Variants in CPNE4 observed in about 807,000 individuals in gnomAD.
CPNE4 encodes copine-4.
In CPNE4, 25 loss-of-function variants were observed where a neutral mutation model predicts 67.9. That is an observed-to-expected ratio of 0.37 (90% CI 0.27 to 0.51). The LOEUF (loss-of-function observed/expected upper bound fraction) is 0.51. CPNE4 is among the 20% of genes least tolerant of loss of function. The pLI is 0.93. For missense variants in CPNE4, 464 were observed against 690.8 expected (o/e 0.67, Z 3.68); for synonymous variants, 242 against 244.9 (o/e 0.99, Z 0.11).
intron 2 of CPNE4, among the ~76,000 whole-genome samples, chr3:131,850,164 T>G (rs4854627): frequency 0.22 from 34,173 of 152,048 alleles, 4,078 homozygotes; most frequent in Admixed American, 0.34. Context: ...TTTTTGCCAA[T>G]ATCCAGAATT....
intron 6 of CPNE4, among the ~76,000 whole-genome samples, chr3:131,671,089 A>C (rs2080401268): frequency 6.6e-6 from 1 of 152,188 alleles, no homozygotes; most frequent in African/African-American, 2.4e-5. Flanking sequence ...CACCCGACCT[A>C]GAATTTGTTT....
At chr3:131,867,791 G>A (rs1513376) in intron 2 of CPNE4, among the ~76,000 whole-genome samples, 49,275 of 151,840 alleles carry the variant, frequency 0.32, 8,524 homozygotes, top group African/African-American at 0.43. Context: ...TCTTTTGACC[G>A]CATTTCCTCA....
In CPNE4 at chr3:131,654,022, G is replaced by C. The variant is rs547641896; in HGVS notation, c.681+15653C>G. Among the ~76,000 whole-genome samples, 3 of 152,190 alleles carry C rather than the reference G, an allele frequency of 2.0e-5. No homozygotes were observed. The East Asian group carries it at 5.8e-4, about 29-fold the overall frequency. On this transcript the variant is annotated intron_variant, in intron 7 of 15. Coordinates refer to ENST00000429747, the MANE Select transcript of CPNE4 (RefSeq NM_130808.3). The stretch of plus-strand genomic sequence containing the variant: ...TTGACTGCACATTATAATCACCTTG[G>C]CTGCTTTTTAAAATTTCTGATGTTT...
intron 1 of CPNE4, among the ~76,000 whole-genome samples, chr3:132,009,589 A>G (rs945184449): frequency 1.3e-5 from 2 of 152,188 alleles, no homozygotes; most frequent in African/African-American, 2.4e-5. Flanking sequence ...AAGGTTTTCA[A>G]TGACACACTC....
intron 3 of CPNE4, among the ~76,000 whole-genome samples, chr3:131,706,947 T>C (rs914044227): frequency 2.0e-5 from 3 of 152,184 alleles, no homozygotes; most frequent in African/African-American, 2.4e-5. Flanking sequence ...ATATCTTACA[T>C]GTATTGATTA....
intron 7 of CPNE4, among the ~76,000 whole-genome samples, chr3:131,621,686 A>G (rs1940473442): frequency 6.6e-6 from 1 of 152,102 alleles, no homozygotes; most frequent in Non-Finnish European, 1.5e-5. Context: ...GGAAATTACA[A>G]TAATGTTTCC....
chr3:131,874,205 C>T (rs1277883123), intron 2 of CPNE4, among the ~76,000 whole-genome samples: 3 of 151,980 alleles, frequency 2.0e-5, no homozygotes, highest in Non-Finnish European at 2.9e-5. Context: ...TCTCCTGCCT[C>T]AGCCCCCCGA....
At chr3:131,856,173 G>T (rs1413882367) in intron 2 of CPNE4, among the ~76,000 whole-genome samples, 1 of 151,920 alleles carries the variant, frequency 6.6e-6, no homozygotes, top group African/African-American at 2.4e-5. Context: ...GTCTATTCAA[G>T]TTACCAAACA....
chr3:132,023,479 C>CTTTT (rs575505348), intron 1 of CPNE4, among the ~76,000 whole-genome samples: 5 of 84,596 alleles, frequency 5.9e-5, no homozygotes, highest in Non-Finnish European at 8.5e-5. Flanking sequence ...GCAGATCAGC[C>CTTTT]TTTTTTTTTT....
At chr3:131,858,331 CTCTAT>C (rs2107660533) in intron 2 of CPNE4, among the ~76,000 whole-genome samples, 1 of 151,768 alleles carries the variant, frequency 6.6e-6, no homozygotes, top group Non-Finnish European at 1.5e-5. Context: ...GTATTTTGTT[CTCTAT>C]TCTAATGAAC....
chr3:131,560,025 TA>T (rs932694946), intron 11 of CPNE4, among the ~76,000 whole-genome samples: 45 of 152,198 alleles, frequency 3.0e-4, no homozygotes, highest in African/African-American at 1.1e-3. Flanking sequence ...AAAAACATTT[TA>T]AAGATCATTG....
At position 131,862,835 on chromosome 3, in the gene CPNE4, T is replaced by C. The variant is rs551586577; in HGVS notation, c.180+42429A>G. Among the ~76,000 whole-genome samples, 12 of 152,176 alleles carry C rather than the reference T, an allele frequency of 7.9e-5. No homozygotes were observed. The East Asian group carries it at 2.3e-3, about 29-fold the overall frequency. The stretch of plus-strand genomic sequence containing the variant: ...AACTCGTCATTTGACATTAGGTATA[T>C]CTCCTAATGCTATCCCTCCCCCATC... On this transcript the variant is annotated intron_variant, in intron 2 of 15. Coordinates refer to ENST00000429747, the MANE Select transcript of CPNE4 (RefSeq NM_130808.3).
intron 3 of CPNE4, 74 bp from the exon 4 acceptor site, chr3:131,700,054 C>CTTTTTTTTTTTTTTTTTTTT (rs3035263): frequency 8.6e-5 from 22 of 254,752 alleles, no homozygotes; most frequent in African/African-American, 6.3e-4. Flanking sequence ...TTTTTTAAAC[C>CTTTTTTTTTTTTTTTTTTTT]TTTTTTTTTT....
chr3:131,709,933 C>T (rs530483334), intron 3 of CPNE4, among the ~76,000 whole-genome samples: 18 of 152,290 alleles, frequency 1.2e-4, no homozygotes, highest in African/African-American at 4.3e-4. Flanking sequence ...CCTTTCCCGC[C>T]ACCCTCTATT....
intron 5 of CPNE4, among the ~76,000 whole-genome samples, chr3:131,686,558 A>T (rs2080894766): frequency 6.6e-6 from 1 of 152,194 alleles, no homozygotes; most frequent in Non-Finnish European, 1.5e-5. Flanking sequence ...GGATTAAGCT[A>T]TTTAGAGGAT....
At chr3:131,699,830 C>T in intron 4 of CPNE4, 79 bp downstream of exon 4, 2 of 1,091,074 alleles carry the variant, frequency 1.8e-6, no homozygotes, top group Non-Finnish European at 2.7e-6. Context: ...AGTCTGCTTC[C>T]CAAGTGTCTG....
chr3:131,711,338 G>A (rs561402186), intron 3 of CPNE4, among the ~76,000 whole-genome samples: 8 of 152,228 alleles, frequency 5.3e-5, no homozygotes, highest in South Asian at 4.2e-4. Flanking sequence ...TTTCTGATTC[G>A]GTCTTGCTGA....
intron 1 of CPNE4, among the ~76,000 whole-genome samples, chr3:131,924,124 A>T (rs1176835493): frequency 1.3e-5 from 2 of 152,212 alleles, no homozygotes; most frequent in Non-Finnish European, 2.9e-5. Flanking sequence ...AAGGACAGTG[A>T]AAGAACAAAA....
At chr3:131,837,872 A>G (rs1049574232) in intron 2 of CPNE4, among the ~76,000 whole-genome samples, 14 of 152,028 alleles carry the variant, frequency 9.2e-5, no homozygotes, top group African/African-American at 3.4e-4. Flanking sequence ...AACTTTCTGT[A>G]ATATATTTTT....
Sources: gnomAD v4.1 joint callset for allele counts (sites outside exome capture counted in the v4.1 genomes callset) on GRCh38, gnomAD v4.1.1 for gene constraint, MANE v1.5 for transcripts, NCBI Gene and HGNC (gene_info 2026-07-23, HGNC 2026-07-21) for gene names.